RASGRF1: variants seen among roughly 807,000 people sequenced by gnomAD.
RASGRF1 encodes the protein Ras protein specific guanine nucleotide releasing factor 1.
RASGRF1 carries 40 observed loss-of-function variants against 138.7 expected under a neutral mutation model. The ratio of observed to expected loss-of-function variants is 0.29; its 90% CI spans 0.22 to 0.38. The LOEUF (loss-of-function observed/expected upper bound fraction) is 0.38, where lower values mean the gene tolerates loss of function less well. RASGRF1 is among the 10% of genes least tolerant of loss of function. The pLI is 1.00. For missense variants in RASGRF1, 1,108 were observed against 1,650.4 expected, an observed-to-expected ratio of 0.67 and a Z score of 5.69; for synonymous variants, 614 against 663.2, an observed-to-expected ratio of 0.93 and a Z score of 1.14.
intron 24 of RASGRF1, 152 bp downstream of exon 24, chr15:78,980,468 T>C (rs1393652585): frequency 2.2e-5 from 12 of 549,646 alleles, no homozygotes; most frequent in African/African-American, 3.7e-5. Flanking sequence ...GACTCCACCA[T>C]TGGGGTCCAG....
chr15:79,041,423 C>T (rs1286184312), intron 5 of RASGRF1, among the ~76,000 whole-genome samples: 2 of 152,134 alleles, frequency 1.3e-5, no homozygotes, highest in African/African-American at 4.8e-5. Context: ...AGTGAGAGAC[C>T]TAGACACAAA....
intron 1 of RASGRF1, among the ~76,000 whole-genome samples, chr15:79,078,501 G>A (rs1035278703): frequency 6.6e-6 from 1 of 152,134 alleles, no homozygotes; most frequent in Non-Finnish European, 1.5e-5. Flanking sequence ...GGCCAGCAGA[G>A]GCTAATACTT....
intron 2 of RASGRF1, among the ~76,000 whole-genome samples, chr15:79,062,750 G>A (rs2057624576): frequency 6.6e-6 from 1 of 151,992 alleles, no homozygotes; most frequent in Admixed American, 6.6e-5. Context: ...CACCATGTTG[G>A]CCAGGCTGGT....
Position 78,995,816 on chromosome 15 carries a change from A to AAGGCACG in RASGRF1, c.2967-23_2967-17dup, listed in dbSNP as rs1567474378. The AAGGCACG allele has an allele frequency of 6.2e-7, 1 of 1,613,832 alleles. No individual in the cohort carries two copies. The highest frequency in any genetic ancestry group is 1.3e-5 in the African/African-American group (1 of 74,898). ...GGTCAGAGTCCTAGGCAGGAGCGAGAAGGCACGGTGAGCCCCACTTCACGT... is the reference window on the plus strand; with the variant it reads ...GGTCAGAGTCCTAGGCAGGAGCGAGAAGGCACGAGGCACGGTGAGCCCCACTTCACGT... On this transcript the variant is annotated splice_polypyrimidine_tract_variant and intron_variant, in intron 19 of 26. Coordinates refer to ENST00000558480, the MANE Select transcript of RASGRF1 (RefSeq NM_001145648.3).
At chr15:79,060,992 C>T (rs956742080) in intron 2 of RASGRF1, among the ~76,000 whole-genome samples, 7 of 152,028 alleles carry the variant, frequency 4.6e-5, no homozygotes, top group African/African-American at 1.4e-4. Flanking sequence ...ACTTTAAAAG[C>T]GGGGAGTTTT....
intron 2 of RASGRF1, among the ~76,000 whole-genome samples, chr15:79,059,187 CCCTTT>C (rs754142885): frequency 4.1e-4 from 60 of 145,820 alleles, no homozygotes; most frequent in East Asian, 1.2e-3. Flanking sequence ...TCCTTCCCTT[CCCTTT>C]CCTTCCCTAT....
At chr15:78,978,598 G>A in intron 24 of RASGRF1, 2 of 990,486 alleles carry the variant, frequency 2.0e-6, no homozygotes, top group South Asian at 4.6e-5. Flanking sequence ...CCAACATGGT[G>A]AGGCCCATAG....
intron 10 of RASGRF1, among the ~76,000 whole-genome samples, chr15:79,024,214 A>G (rs1235005380): frequency 6.6e-6 from 1 of 151,932 alleles, no homozygotes; most frequent in Non-Finnish European, 1.5e-5. Context: ...ACGGATATAC[A>G]CATAGACACA....
intron 15 of RASGRF1, 145 bp downstream of exon 15, chr15:79,003,657 C>G: frequency 1.5e-6 from 2 of 1,291,712 alleles, no homozygotes; most frequent in Non-Finnish European, 2.1e-6. Flanking sequence ...TGTGCTGCCT[C>G]CACTATCTGC....
chr15:79,076,251 G>A (rs1036584657), intron 1 of RASGRF1, among the ~76,000 whole-genome samples: 7 of 148,342 alleles, frequency 4.7e-5, no homozygotes, highest in African/African-American at 7.4e-5. Flanking sequence ...AAGCCCTGTC[G>A]CTCAAGTCCC....
chr15:79,034,256 A>C (rs2057186864), intron 6 of RASGRF1, among the ~76,000 whole-genome samples: 1 of 152,088 alleles, frequency 6.6e-6, no homozygotes, highest in Non-Finnish European at 1.5e-5. Context: ...GATGACACCA[A>C]CACTCACCTT....
rs571256823 is a variant in RASGRF1, at chr15:79,055,989, A to G, written c.531+2345T>C. 8.7e-4 allele frequency among the ~76,000 whole-genome samples: 133 copies of G among 152,272 alleles called. 1 individual carries two copies. The highest frequency in any genetic ancestry group is 7.8e-4 in the Non-Finnish European group (53 of 68,028). On this transcript the variant is annotated intron_variant, in intron 3 of 26. Coordinates refer to ENST00000558480, the MANE Select transcript of RASGRF1 (RefSeq NM_001145648.3). ...AGGCCTGTTGGGGTGACAGGCACAC[A>G]TGGAGCCTGCTCTCACATGGTGAGC...
At chr15:79,051,463 G>A (rs539097595) in intron 3 of RASGRF1, among the ~76,000 whole-genome samples, 2 of 144,110 alleles carry the variant, frequency 1.4e-5, no homozygotes, top group South Asian at 4.3e-4. Flanking sequence ...ACACGCAAGC[G>A]TACACACACA....
intron 13 of RASGRF1, among the ~76,000 whole-genome samples, chr15:79,009,988 G>C (rs2056761925): frequency 6.6e-6 from 1 of 150,930 alleles, no homozygotes; most frequent in Admixed American, 6.6e-5. Context: ...CTCCCAAAGT[G>C]CTGGGATTAC....
intron 10 of RASGRF1, among the ~76,000 whole-genome samples, chr15:79,021,917 G>A (rs953407859): frequency 5.3e-5 from 8 of 152,220 alleles, no homozygotes; most frequent in African/African-American, 1.9e-4. Flanking sequence ...GAGTGACAAT[G>A]TCTGTTATCC....
Position 79,046,608 on chromosome 15 carries a change from G to A in RASGRF1, c.878+138C>T, listed in dbSNP as rs776409700. 25 of 1,395,882 alleles carry A rather than the reference G, an allele frequency of 1.8e-5. No individual in the cohort carries two copies. The highest frequency in any genetic ancestry group is 6.7e-5 in the South Asian group (5 of 74,308). The allele number at this position is 1,395,882 out of a possible 1,614,324, so 86.5% of individuals were successfully genotyped here. On this transcript the variant is annotated intron_variant, in intron 5 of 26. Coordinates refer to ENST00000558480, the MANE Select transcript of RASGRF1 (RefSeq NM_001145648.3). This position sits in a 1 kb window ranked among gnomAD's most constrained non-coding sequence, Gnocchi z 5.3. ...ATTGGGGTTGGTGGTTTCTAGCCACGTGATCTTGGGCACTTCTGTCCTCTC... is the reference window on the plus strand; with the variant it reads ...ATTGGGGTTGGTGGTTTCTAGCCACATGATCTTGGGCACTTCTGTCCTCTC...
In RASGRF1 at chr15:79,006,879, GC is replaced by G. The variant is rs1440615721; in HGVS notation, c.1827-446del. ...ATACAAAAGTTAGCTAGGTGTGGTG[GC>G]CCATACCTGTAATACCAGTTACTAG... On this transcript the variant is annotated intron_variant, in intron 13 of 26. Coordinates refer to ENST00000558480, the MANE Select transcript of RASGRF1 (RefSeq NM_001145648.3). The surrounding 1 kb of genome is among the most constrained non-coding windows in gnomAD (Gnocchi z 4.0). 6.6e-6 allele frequency among the ~76,000 whole-genome samples: 1 copy of G among 152,126 alleles called. No individual in the cohort carries two copies. Among genetic ancestry groups the G allele is most frequent in the Non-Finnish European group, 1.5e-5 (1 of 68,026 alleles).
intron 1 of RASGRF1, among the ~76,000 whole-genome samples, chr15:79,080,030 A>T (rs1243083835): frequency 6.6e-6 from 1 of 152,214 alleles, no homozygotes; most frequent in Non-Finnish European, 1.5e-5. Flanking sequence ...TCTGCCCTCG[A>T]GGTCATCATC....
At chr15:79,035,107 C>CT in intron 6 of RASGRF1, 24 bp downstream of exon 6, 2 of 1,594,362 alleles carry the variant, frequency 1.3e-6, no homozygotes, top group Non-Finnish European at 1.7e-6. Flanking sequence ...TCTCTGGGGG[C>CT]CGCAGTGAGG....
Sources: gnomAD v4.1 joint callset for allele counts (sites outside exome capture counted in the v4.1 genomes callset) on GRCh38, gnomAD v4.1.1 for gene constraint, Gnocchi (gnomAD v3.1) non-coding constraint, MANE v1.5 for transcripts, NCBI Gene and HGNC (gene_info 2026-07-23, HGNC 2026-07-21) for gene names.